Variants in APBB1IP observed in about 807,000 individuals in gnomAD.
APBB1IP encodes amyloid beta precursor protein binding family B member 1 interacting protein.
Under a neutral mutation model 64.9 loss-of-function variants are expected in APBB1IP, and 27 were observed. The observed-to-expected ratio is 0.42, with a 90% confidence interval of 0.31 to 0.57. APBB1IP has a LOEUF of 0.57. Ranked by LOEUF, APBB1IP falls within the 20% of genes least tolerant of loss-of-function variation. The pLI, the probability that APBB1IP is intolerant of heterozygous loss-of-function variation, is 0.20. For synonymous variants in APBB1IP, 392 were observed against 331.0 expected, an observed-to-expected ratio of 1.18 and a Z score of -2.00; for missense variants, 812 against 845.5, an observed-to-expected ratio of 0.96 and a Z score of 0.49.
chr10:26,546,244 G>T (rs1350867065), intron 11 of APBB1IP, among the ~76,000 whole-genome samples: 2 of 152,320 alleles, frequency 1.3e-5, no homozygotes, highest in African/African-American at 4.8e-5. Flanking sequence ...GTAAGTGGTA[G>T]TTATTATTGC....
At chr10:26,461,769 T>A (rs972767582) in intron 2 of APBB1IP, among the ~76,000 whole-genome samples, 2 of 152,134 alleles carry the variant, frequency 1.3e-5, no homozygotes, top group Non-Finnish European at 2.9e-5. Context: ...GTTTTATTAT[T>A]TTTTCTATCT....
chr10:26,468,429 G>A (rs904544165), intron 2 of APBB1IP, among the ~76,000 whole-genome samples: 3 of 152,130 alleles, frequency 2.0e-5, no homozygotes, highest in African/African-American at 7.2e-5. Context: ...TGCTTCTTGA[G>A]CTAATGAGTG....
chr10:26,527,614 T>C (rs1254874041), intron 8 of APBB1IP, among the ~76,000 whole-genome samples: 2 of 148,016 alleles, frequency 1.4e-5, no homozygotes, highest in African/African-American at 2.5e-5. Context: ...ATTTCCTCTC[T>C]CCAGGGTCTG....
intron 6 of APBB1IP, among the ~76,000 whole-genome samples, chr10:26,511,542 TC>T (rs1836260063): frequency 1.3e-5 from 2 of 152,240 alleles, no homozygotes; most frequent in South Asian, 4.1e-4. Context: ...TTATCTATTT[TC>T]TATTTTTGTG....
chr10:26,514,981 C>G (rs1836306229), intron 8 of APBB1IP, among the ~76,000 whole-genome samples: 1 of 151,988 alleles, frequency 6.6e-6, no homozygotes. Flanking sequence ...AGGTGATTCC[C>G]CTGCCTCAGC....
chr10:26,452,133 A>G (rs2132399303), intron 2 of APBB1IP, among the ~76,000 whole-genome samples: 1 of 137,018 alleles, frequency 7.3e-6, no homozygotes, highest in East Asian at 2.4e-4. Flanking sequence ...TGTTGATTAT[A>G]TCAAACATAT....
chr10:26,469,466 G>C (rs1056743476), intron 2 of APBB1IP, among the ~76,000 whole-genome samples: 1 of 151,942 alleles, frequency 6.6e-6, no homozygotes, highest in African/African-American at 2.4e-5. Flanking sequence ...GGCCAGGCTG[G>C]TCTCAAACTC....
intron 11 of APBB1IP, among the ~76,000 whole-genome samples, chr10:26,558,572 G>C (rs1393101099): frequency 3.3e-5 from 5 of 151,732 alleles, no homozygotes; most frequent in African/African-American, 1.2e-4. Flanking sequence ...CTTGAGCCCG[G>C]GGTTTCAGCA....
intron 7 of APBB1IP, among the ~76,000 whole-genome samples, chr10:26,512,940 C>G (rs537320118): frequency 6.6e-6 from 1 of 152,228 alleles, no homozygotes; most frequent in South Asian, 2.1e-4. Flanking sequence ...GAAAGCCTTT[C>G]TTTATGTTTT....
At chr10:26,489,828 C>T (rs1835933997) in intron 2 of APBB1IP, among the ~76,000 whole-genome samples, 1 of 152,198 alleles carries the variant, frequency 6.6e-6, no homozygotes, top group Admixed American at 6.5e-5. Context: ...AGTTCAAGAA[C>T]AGCCTGGCCA....
intron 6 of APBB1IP, among the ~76,000 whole-genome samples, chr10:26,508,151 G>A (rs1329709242): frequency 1.3e-5 from 2 of 152,170 alleles, no homozygotes; most frequent in African/African-American, 2.4e-5. Flanking sequence ...TAACCGCAAT[G>A]TACTCATGCA....
At chr10:26,447,873 C>A (rs1564347238) in intron 2 of APBB1IP, among the ~76,000 whole-genome samples, 1 of 152,024 alleles carries the variant, frequency 6.6e-6, no homozygotes, top group Non-Finnish European at 1.5e-5. Flanking sequence ...TGGGCTCAAG[C>A]AATCCTTCCA....
intron 12 of APBB1IP, among the ~76,000 whole-genome samples, chr10:26,560,435 T>TA (rs1836952777): frequency 6.6e-6 from 1 of 152,258 alleles, no homozygotes; most frequent in East Asian, 1.9e-4. Flanking sequence ...AGTGTGCAAT[T>TA]AAAAAACGCA....
intron 6 of APBB1IP, among the ~76,000 whole-genome samples, chr10:26,510,921 C>T (rs570956665): frequency 6.6e-6 from 1 of 152,284 alleles, no homozygotes; most frequent in African/African-American, 2.4e-5. Flanking sequence ...ACCGTGTTAA[C>T]ATACGCTCTG....
chr10:26,504,560 A>T (rs1442483320), intron 6 of APBB1IP, among the ~76,000 whole-genome samples: 2 of 152,076 alleles, frequency 1.3e-5, no homozygotes, highest in Non-Finnish European at 1.5e-5. Context: ...AAGTACAAAA[A>T]TTAGCTGGAC....
chr10:26,548,062 AT>A (rs1479437055), intron 11 of APBB1IP, among the ~76,000 whole-genome samples: 2 of 152,144 alleles, frequency 1.3e-5, no homozygotes, highest in Non-Finnish European at 2.9e-5. Context: ...ATATTTTGAA[AT>A]CAGTTTGTGA....
chr10:26,491,064 A>C (rs76572855), intron 2 of APBB1IP, among the ~76,000 whole-genome samples: 2,349 of 152,202 alleles, frequency 0.015, 62 homozygotes, highest in African/African-American at 0.053. Context: ...GGATCACCTG[A>C]GGTCAGGAGT....
At chr10:26,443,861 A>C (rs1163657235) in intron 2 of APBB1IP, among the ~76,000 whole-genome samples, 1 of 152,160 alleles carries the variant, frequency 6.6e-6, no homozygotes, top group African/African-American at 2.4e-5. Context: ...AATACAATTC[A>C]ATCATTTTCA....
At chr10:26,503,361 C>T (rs1009270196) in intron 6 of APBB1IP, 87 bp downstream of exon 6, 89 of 1,344,092 alleles carry the variant, frequency 6.6e-5, no homozygotes, top group South Asian at 2.0e-4. Flanking sequence ...TAAAGCCGGG[C>T]GCGGTGGCTC....
Sources: gnomAD v4.1 joint callset for allele counts (sites outside exome capture counted in the v4.1 genomes callset) on GRCh38, gnomAD v4.1.1 for gene constraint, MANE v1.5 for transcripts, NCBI Gene and HGNC (gene_info 2026-07-23, HGNC 2026-07-21) for gene names.